Variants in CRACR2A observed in about 807,000 individuals in gnomAD.
CRACR2A encodes calcium release activated channel regulator 2A, also known as EF-hand calcium-binding domain-containing protein 4B.
In CRACR2A, 79 loss-of-function variants were observed where a neutral mutation model predicts 90.5. The observed-to-expected ratio is 0.87, with a 90% CI of 0.73 to 1.05. The LOEUF is 1.05. CRACR2A is among the 50% of genes least tolerant of loss of function. The probability of loss-of-function intolerance (pLI) is 0.00; values close to 1 mark genes in which losing one functional copy is unlikely to be tolerated. For synonymous variants in CRACR2A, 338 were observed against 356.7 expected, an observed-to-expected ratio of 0.95 and a Z score of 0.59; for missense variants, 823 against 897.2, an observed-to-expected ratio of 0.92 and a Z score of 1.06.
At chr12:3,661,910 C>T (rs773984056) in intron 7 of CRACR2A, among the ~76,000 whole-genome samples, 5 of 152,130 alleles carry the variant, frequency 3.3e-5, no homozygotes, top group African/African-American at 4.8e-5. Context: ...AATAACCATG[C>T]GGGGCATTAA....
At position 3,692,761 on chromosome 12, in the gene CRACR2A, T is replaced by G. The variant is rs539299196; in HGVS notation, c.228+4011A>C. ...GTACAGTAATGAAGGCAGCATGGCT[T>G]GGGGGCCAGAGGCCCCTGTGGGCAA... On this transcript the variant is annotated intron_variant, in intron 4 of 19. Transcript: ENST00000440314. 6.6e-5 allele frequency among the ~76,000 whole-genome samples: 10 copies of G among 152,182 alleles called. No homozygotes were observed. In the East Asian group the frequency reaches 1.9e-3, roughly 29 times the overall value.
intron 7 of CRACR2A, chr12:3,672,711 C>T (rs1945268480): frequency 1.0e-6 from 1 of 978,972 alleles, no homozygotes; most frequent in African/African-American, 1.8e-5. Flanking sequence ...GTGGGCTTGC[C>T]CCAGTTTTGT....
chr12:3,695,509 C>T (rs1945724315), intron 4 of CRACR2A, among the ~76,000 whole-genome samples: 1 of 152,148 alleles, frequency 6.6e-6, no homozygotes, highest in South Asian at 2.1e-4. Context: ...ATAAGAACAC[C>T]ACCACATGGG....
chr12:3,701,415 A>C (rs1045689022), intron 3 of CRACR2A, among the ~76,000 whole-genome samples: 10 of 152,138 alleles, frequency 6.6e-5, no homozygotes, highest in African/African-American at 2.2e-4. Context: ...AACAAAACTA[A>C]AAGCTGGTTC....
intron 1 of CRACR2A, among the ~76,000 whole-genome samples, chr12:3,743,821 A>G (rs1946567765): frequency 6.6e-6 from 1 of 152,136 alleles, no homozygotes; most frequent in Non-Finnish European, 1.5e-5. Context: ...AGAAAGTTCA[A>G]CCCAAAAATC....
chr12:3,726,527 T>C (rs879409803), intron 2 of CRACR2A: 1 of 151,964 alleles, frequency 6.6e-6, no homozygotes, highest in Admixed American at 6.6e-5. Flanking sequence ...AGGAGGACAA[T>C]AGAATAAAGA....
chr12:3,629,366 A>AC, intron 15 of CRACR2A, among the ~76,000 whole-genome samples: 1 of 152,314 alleles, frequency 6.6e-6, no homozygotes, highest in East Asian at 1.9e-4. Context: ...AAAACAGATT[A>AC]CAGTGGCTGG....
intron 2 of CRACR2A, chr12:3,729,519 A>G (rs1424400965): frequency 6.6e-6 from 1 of 152,170 alleles, no homozygotes; most frequent in Non-Finnish European, 1.5e-5. Context: ...CCTGGCCAAT[A>G]TAGTGAAACC....
intron 11 of CRACR2A, among the ~76,000 whole-genome samples, chr12:3,647,360 G>A (rs935621630): frequency 2.0e-5 from 3 of 152,134 alleles, no homozygotes; most frequent in African/African-American, 7.2e-5. Flanking sequence ...GGCCTTTTGT[G>A]ATTCTGCACA....
rs1254238224 is a variant in CRACR2A at position 3,746,659 on chromosome 12, C to T, written c.-387+6356G>A. Among the ~76,000 whole-genome samples the T allele has an allele frequency of 6.6e-6, 1 of 152,222 alleles. No homozygotes were observed. Among genetic ancestry groups the T allele is most frequent in the Non-Finnish European group, 1.5e-5 (1 of 68,034 alleles). On this transcript the variant is annotated intron_variant, in intron 1 of 19. Coordinates refer to ENST00000440314, the MANE Select transcript of CRACR2A (RefSeq NM_001144958.2). The surrounding 1 kb of genome is among the most constrained non-coding windows in gnomAD (Gnocchi z 4.4). ...ATGCATGCCTACTACAGGGACCACC[C>T]CTCTCTTCTTAGACCAGACCCCCTG...
At position 3,711,781 on chromosome 12, in the gene CRACR2A, T is replaced by C. The variant is rs1025725614; in HGVS notation, c.-37+1456A>G. On this transcript the variant is annotated intron_variant, in intron 3 of 19. Transcript: ENST00000440314. The surrounding 1 kb of genome is among the most constrained non-coding windows in gnomAD (Gnocchi z 4.3). The stretch of plus-strand genomic sequence containing the variant: ...CCACATCCACATTTTTAGGTATTTA[T>C]TACAGTGGCACTTGGTAACAAATTC... Among the ~76,000 whole-genome samples the C allele has an allele frequency of 6.6e-6, 1 of 152,220 alleles. No homozygotes were observed. The highest frequency in any genetic ancestry group is 2.4e-5 in the African/African-American group (1 of 41,452).
At chr12:3,703,437 T>A (rs1227527023) in intron 3 of CRACR2A, among the ~76,000 whole-genome samples, 2 of 152,314 alleles carry the variant, frequency 1.3e-5, no homozygotes, top group East Asian at 3.9e-4. Flanking sequence ...ATAACTACAA[T>A]GTATCATGGA....
chr12:3,633,766 C>A lies in CRACR2A; in HGVS notation c.1603-30G>T. The A allele has an allele frequency of 6.4e-7, 1 of 1,551,236 alleles. No individual in the cohort carries two copies. Among genetic ancestry groups the A allele is most frequent in the Non-Finnish European group, 8.7e-7 (1 of 1,146,934 alleles). On this transcript the variant is annotated intron_variant, in intron 14 of 19. Coordinates refer to ENST00000440314, the MANE Select transcript of CRACR2A (RefSeq NM_001144958.2). The surrounding 1 kb of genome is among the most constrained non-coding windows in gnomAD (Gnocchi z 4.5). ...GGATGGCACACAATCTGACCAACTG[C>A]AGGGAATAGTCTTGCCAGCCCCTGC... is the stretch of plus-strand genomic sequence containing the variant.
At chr12:3,644,033 T>C (rs1944637527) in intron 12 of CRACR2A, among the ~76,000 whole-genome samples, 1 of 137,820 alleles carries the variant, frequency 7.3e-6, no homozygotes, top group Non-Finnish European at 1.5e-5. Flanking sequence ...CTTAGCAGTT[T>C]TGTGATTCTA....
chr12:3,723,787 G>T (rs754024245), intron 2 of CRACR2A, among the ~76,000 whole-genome samples: 5 of 152,136 alleles, frequency 3.3e-5, no homozygotes, highest in Non-Finnish European at 5.9e-5. Context: ...GCTCCTTGGA[G>T]CCAACAGCTG....
intron 2 of CRACR2A, 140 bp from the exon 3 acceptor site, chr12:3,713,457 T>A (rs1041206328): frequency 9.5e-6 from 2 of 209,760 alleles, no homozygotes; most frequent in African/African-American, 4.7e-5. Flanking sequence ...AAAACAGGCC[T>A]AATTCATCCT....
chr12:3,745,810 T>TAAAAA (rs1317681510), intron 1 of CRACR2A, among the ~76,000 whole-genome samples: 1 of 4,780 alleles, frequency 2.1e-4, no homozygotes, highest in Non-Finnish European at 5.1e-4. Context: ...TAAAATAAAA[T>TAAAAA]AAAATAAAAT....
intron 1 of CRACR2A, among the ~76,000 whole-genome samples, chr12:3,742,857 T>C (rs1387469554): frequency 6.6e-6 from 1 of 152,260 alleles, no homozygotes; most frequent in Non-Finnish European, 1.5e-5. Flanking sequence ...ACATTCATTC[T>C]GTCCCATCTC....
intron 13 of CRACR2A, among the ~76,000 whole-genome samples, chr12:3,641,364 A>C (rs1591648509): frequency 6.6e-6 from 1 of 151,442 alleles, no homozygotes; most frequent in South Asian, 2.1e-4. Context: ...AACAACAAAA[A>C]CCCCGAAACC....
Sources: allele counts gnomAD v4.1 joint callset (sites outside exome capture counted in the v4.1 genomes callset), GRCh38; gene constraint gnomAD v4.1.1; non-coding constraint Gnocchi (gnomAD v3.1); transcripts MANE v1.5; gene names NCBI Gene and HGNC (gene_info 2026-07-23, HGNC 2026-07-21).